The following TRIM43B variants were observed in gnomAD, a reference collection of about 807,000 sequenced individuals.
TRIM43B encodes the protein tripartite motif containing 43B, also known as tripartite motif-containing protein 43B.
In TRIM43B, 15 loss-of-function variants were observed where a neutral mutation model predicts 27.0. The observed-to-expected ratio is 0.55, with a 90% CI of 0.37 to 0.85. The LOEUF is 0.85. TRIM43B is among the 40% of genes least tolerant of loss of function. The pLI is 0.00. For synonymous variants in TRIM43B, 69 were observed against 97.8 expected, an observed-to-expected ratio of 0.71 and a Z score of 1.74; for missense variants, 172 against 289.8, an observed-to-expected ratio of 0.59 and a Z score of 2.95.
chr2:95,480,850 T>C (rs1342612640), intron 3 of TRIM43B, among the ~76,000 whole-genome samples: 4 of 152,216 alleles, frequency 2.6e-5, no homozygotes, highest in African/African-American at 2.4e-5. Context: ...GTTTCAAATC[T>C]CTGTACTTCA....
intron 3 of TRIM43B, 75 bp downstream of exon 3, chr2:95,481,520 C>T: frequency 1.8e-6 from 2 of 1,120,770 alleles, no homozygotes; most frequent in East Asian, 2.6e-5. Flanking sequence ...AGAATTTCAA[C>T]TCAAGTTGCT....
At chr2:95,482,902 A>C (rs927361792) in intron 1 of TRIM43B, among the ~76,000 whole-genome samples, 184 bp from the exon 2 acceptor site, 1 of 152,134 alleles carries the variant, frequency 6.6e-6, no homozygotes, top group Non-Finnish European at 1.5e-5. Flanking sequence ...AATCTCTATA[A>C]AAAGTGACTG....
chr2:95,481,725 A>T, intron 2 of TRIM43B, 35 bp from the exon 3 acceptor site: 1 of 1,597,550 alleles, frequency 6.3e-7, no homozygotes, highest in Middle Eastern at 1.7e-4. Flanking sequence ...AGAAAGTCAA[A>T]TACCAAAGAT....
At chr2:95,480,992 CCTAT>C (rs2104400527) in intron 3 of TRIM43B, among the ~76,000 whole-genome samples, 1 of 152,214 alleles carries the variant, frequency 6.6e-6, no homozygotes, top group Admixed American at 6.5e-5. Flanking sequence ...TTTTCTGTCT[CCTAT>C]CTTTCTTCTG....
chr2:95,484,279 G>A (rs1683600813), intron 1 of TRIM43B, among the ~76,000 whole-genome samples: 1 of 151,968 alleles, frequency 6.6e-6, no homozygotes, highest in African/African-American at 2.4e-5. Flanking sequence ...GGCGGAGGCT[G>A]AAGAATCGTT....
chr2:95,481,538 A>C, intron 3 of TRIM43B, 57 bp downstream of exon 3: 1 of 1,364,292 alleles, frequency 7.3e-7, no homozygotes, highest in South Asian at 1.5e-5. Flanking sequence ...GCTAATATAA[A>C]TGTTGTCAGC....
intron 3 of TRIM43B, among the ~76,000 whole-genome samples, 165 bp downstream of exon 3, chr2:95,481,430 A>G (rs1683520201): frequency 6.6e-6 from 1 of 152,164 alleles, no homozygotes; most frequent in Non-Finnish European, 1.5e-5. Context: ...GCATTTACAG[A>G]AAACCTGAAC....
chr2:95,482,877 G>A lies in TRIM43B; in HGVS notation c.-4-159C>T, dbSNP rs190319950. On this transcript the variant is annotated intron_variant, in intron 1 of 6. Coordinates refer to ENST00000639673, the Ensembl canonical transcript of TRIM43B. ...GAAATAGGAAAAATAGAAAACTAAG[G>A]CACAAAGAGACATCAATCTCTATAA... Among the ~76,000 whole-genome samples the A allele has an allele frequency of 6.6e-5, 10 of 152,198 alleles. 1 individual carries two copies. Among genetic ancestry groups the A allele is most frequent in the Admixed American group, 6.5e-4 (10 of 15,282 alleles).
chr2:95,480,661 CA>C (rs1683505814), intron 3 of TRIM43B, 126 bp from the exon 4 acceptor site: 2 of 682,832 alleles, frequency 2.9e-6, no homozygotes, highest in African/African-American at 1.8e-5. Context: ...ATGAGTTAAG[CA>C]AGACCTTCCT....
chr2:95,480,174 T>C, intron 4 of TRIM43B, 131 bp downstream of exon 4: 5 of 1,377,486 alleles, frequency 3.6e-6, no homozygotes, highest in Non-Finnish European at 4.9e-6. Flanking sequence ...AGTTTATCTC[T>C]ATAACCGGTG....
At chr2:95,481,715 A>T in intron 2 of TRIM43B, 25 bp from the exon 3 acceptor site, 1 of 1,605,368 alleles carries the variant, frequency 6.2e-7, no homozygotes, top group South Asian at 1.1e-5. Context: ...AAGGTTGAAC[A>T]GAAAGTCAAA....
chr2:95,482,380 C>T (rs905830016), exon 2 of TRIM43B: 7 of 1,606,106 alleles, frequency 4.4e-6, no homozygotes, highest in African/African-American at 1.3e-5. Context: ...GCACAGCAAG[C>T]AGAGGAGACT....
chr2:95,480,394 C>T, exon 4 of TRIM43B: 2 of 1,609,312 alleles, frequency 1.2e-6, no homozygotes, highest in South Asian at 2.2e-5. Context: ...TCCATTTTGA[C>T]CCAACTTCTC....
intron 2 of TRIM43B, among the ~76,000 whole-genome samples, chr2:95,481,971 T>C (rs1298354839): frequency 1.3e-5 from 2 of 151,760 alleles, no homozygotes; most frequent in African/African-American, 4.8e-5. Context: ...GATTTTGTAG[T>C]GTGCTACTCC....
At chr2:95,484,176 C>T (rs1683596395) in intron 1 of TRIM43B, among the ~76,000 whole-genome samples, 2 of 151,580 alleles carry the variant, frequency 1.3e-5, no homozygotes. Context: ...GGAGACCATC[C>T]TGGCCAACAT....
Position 95,482,728 on chromosome 2 carries a change from G to GA in TRIM43B, c.-4-11dup, listed in dbSNP as rs1256767431. The GA allele has an allele frequency of 6.3e-7, 1 of 1,598,440 alleles. No individual in the cohort carries two copies. Among genetic ancestry groups the GA allele is most frequent in the Non-Finnish European group, 8.5e-7 (1 of 1,174,524 alleles). On this transcript the variant is annotated splice_polypyrimidine_tract_variant and intron_variant, in intron 1 of 6. Coordinates refer to ENST00000639673, the Ensembl canonical transcript of TRIM43B. ...GTCTGAGTCCATTTTCCTAAGGAAA[G>GA]AAAACCACAGGAATTTAATCTTCTA...
intron 1 of TRIM43B, among the ~76,000 whole-genome samples, chr2:95,483,240 C>T (rs923183215): frequency 1.3e-5 from 2 of 152,042 alleles, no homozygotes; most frequent in African/African-American, 2.4e-5. Flanking sequence ...CAGAAAAAGC[C>T]AGCCTTTACT....
chr2:95,481,346 G>A (rs1461083162), intron 3 of TRIM43B, among the ~76,000 whole-genome samples: 1 of 152,034 alleles, frequency 6.6e-6, no homozygotes, highest in Non-Finnish European at 1.5e-5. Flanking sequence ...ACAGAAAACT[G>A]TCTGAAATAC....
At chr2:95,484,719 A>G (rs1683610260) in exon 1 of TRIM43B, 1 of 151,784 alleles carries the variant, frequency 6.6e-6, no homozygotes, top group Admixed American at 6.6e-5. Context: ...CCCCAAAGCC[A>G]GTTGCAAAGC....
Sources: allele counts gnomAD v4.1 joint callset (sites outside exome capture counted in the v4.1 genomes callset), GRCh38; gene constraint gnomAD v4.1.1; transcripts MANE v1.5; gene names NCBI Gene and HGNC (gene_info 2026-07-23, HGNC 2026-07-21).